Variants in RGS6 observed in about 807,000 individuals in gnomAD.
The protein encoded by RGS6 is regulator of G-protein signaling 6.
RGS6 carries 30 observed loss-of-function variants against 78.5 expected under a neutral mutation model. The ratio of observed to expected loss-of-function variants is 0.38; its 90% CI spans 0.29 to 0.52. The LOEUF is 0.52. RGS6 is among the 20% of genes least tolerant of loss of function. RGS6 has a pLI of 0.85. For synonymous variants in RGS6, 206 were observed against 206.0 expected (o/e 1.00, Z 0.00); for missense variants, 495 against 609.7 (o/e 0.81, Z 1.98).
At chr14:71,890,358 C>CAGACAGAGAGAGAGAGAGAGAGAGAGAG in the RGS6 span, among the ~76,000 whole-genome samples, 228 of 133,068 alleles carry the variant, frequency 1.7e-3, 1 homozygote, top group African/African-American at 6.5e-3. Flanking sequence ...GTGCATAAGA[C>CAGACAGAGAGAGAGAGAGAGAGAGAGAG]AGAGAGAGAG....
rs145794390 is a variant in RGS6, at chr14:72,455,230, G to A, written c.235+652G>A. Among the ~76,000 whole-genome samples, 895 of 152,174 alleles carry A rather than the reference G, an allele frequency of 5.9e-3. 5 individuals carry two copies. Among genetic ancestry groups the A allele is most frequent in the Middle Eastern group, 0.027 (8 of 294 alleles). On this transcript the variant is annotated intron_variant, in intron 4 of 17. Transcript: ENST00000553525. ...ATGTGCTGTCAGTTAATACTTTTCC[G>A]AATTTATTACATACTCCTTTGCCTT...
intron 2 of RGS6, among the ~76,000 whole-genome samples, chr14:72,169,177 C>T (rs1426880676): frequency 6.6e-6 from 1 of 152,238 alleles, no homozygotes; most frequent in Non-Finnish European, 1.5e-5. Context: ...TTTCACTCCC[C>T]TTCCCCTTGG....
intron 2 of RGS6, among the ~76,000 whole-genome samples, chr14:72,327,129 T>C (rs1316706907): frequency 2.0e-5 from 3 of 152,238 alleles, no homozygotes; most frequent in East Asian, 1.9e-4. Flanking sequence ...TATTTTTTAA[T>C]GTATCCCCTT....
chr14:71,910,934 C>A, the RGS6 span, among the ~76,000 whole-genome samples: 19 of 152,070 alleles, frequency 1.2e-4, no homozygotes, highest in African/African-American at 4.6e-4. Flanking sequence ...TTTTTCCCAG[C>A]TCTGTTGGTA....
chr14:71,999,195 G>A (rs1472932552), intron 2 of RGS6, among the ~76,000 whole-genome samples: 1 of 152,234 alleles, frequency 6.6e-6, no homozygotes, highest in Non-Finnish European at 1.5e-5. Flanking sequence ...TTTTACAGAT[G>A]AGGGAATTAA....
chr14:72,560,140 G>A (rs1341612241), intron 17 of RGS6, among the ~76,000 whole-genome samples: 2 of 152,022 alleles, frequency 1.3e-5, no homozygotes, highest in African/African-American at 4.8e-5. Context: ...CTAAATGAGA[G>A]CCCCAAACGC....
At chr14:72,149,428 TATC>T (rs2096652686) in intron 2 of RGS6, among the ~76,000 whole-genome samples, 1 of 152,138 alleles carries the variant, frequency 6.6e-6, no homozygotes, top group Non-Finnish European at 1.5e-5. Flanking sequence ...AGAAATCAGT[TATC>T]ATTCCAGCTG....
the RGS6 span, among the ~76,000 whole-genome samples, chr14:72,618,104 G>A: frequency 6.6e-6 from 1 of 151,976 alleles, no homozygotes; most frequent in Admixed American, 6.6e-5. Flanking sequence ...GAGCTTAGGA[G>A]ACAAGAGCAG....
chr14:72,425,180 C>G (rs2094383304), intron 3 of RGS6, among the ~76,000 whole-genome samples: 1 of 152,108 alleles, frequency 6.6e-6, no homozygotes, highest in Admixed American at 6.5e-5. Flanking sequence ...ACTGTGTCAC[C>G]CAGGCTAGAG....
intron 2 of RGS6, among the ~76,000 whole-genome samples, chr14:72,043,190 G>A (rs946097962): frequency 3.3e-5 from 5 of 151,882 alleles, no homozygotes; most frequent in Admixed American, 6.6e-5. Flanking sequence ...CCCCTGATTC[G>A]TAGTCTGCAT....
At position 72,506,225 on chromosome 14, in the gene RGS6, GA is replaced by G. The variant is rs576959625; in HGVS notation, c.966-3928del. Among the ~76,000 whole-genome samples, 572 of 151,838 alleles carry G rather than the reference GA, an allele frequency of 3.8e-3. 2 individuals carry two copies. Among genetic ancestry groups the G allele is most frequent in the African/African-American group, 0.013 (538 of 41,296 alleles). ...ATGAAATATGGTCCCTGACCTCAAA[GA>G]GCTAAAAAAAAATAGCTGGAAAGAC... On this transcript the variant is annotated intron_variant, in intron 13 of 17. Transcript: ENST00000553525.
intron 2 of RGS6, among the ~76,000 whole-genome samples, chr14:72,042,129 C>CTTTTTTTTTTTTTTTTTT (rs202194668): frequency 7.4e-6 from 1 of 134,538 alleles, no homozygotes; most frequent in African/African-American, 2.7e-5. Context: ...TTTTCTTTTT[C>CTTTTTTTTTTTTTTTTTT]TTTTTTTTTT....
chr14:72,155,255 A>T (rs1419335074), intron 2 of RGS6, among the ~76,000 whole-genome samples: 1 of 152,196 alleles, frequency 6.6e-6, no homozygotes, highest in Non-Finnish European at 1.5e-5. Flanking sequence ...ACATTGTCTG[A>T]ACAGTAGGGC....
At chr14:72,258,735 G>A (rs1345968835) in intron 2 of RGS6, among the ~76,000 whole-genome samples, 1 of 152,166 alleles carries the variant, frequency 6.6e-6, no homozygotes, top group Non-Finnish European at 1.5e-5. Flanking sequence ...TTGTTGTGAA[G>A]ATTATACTCT....
the RGS6 span, among the ~76,000 whole-genome samples, chr14:72,587,698 G>A: frequency 6.6e-6 from 1 of 152,114 alleles, no homozygotes; most frequent in African/African-American, 2.4e-5. Context: ...CTGCCCCTCA[G>A]ATTCATCCCC....
intron 3 of RGS6, among the ~76,000 whole-genome samples, chr14:72,384,782 ACT>A (rs1229529137): frequency 6.6e-6 from 1 of 151,882 alleles, no homozygotes; most frequent in Non-Finnish European, 1.5e-5. Flanking sequence ...ACAGAGTCTC[ACT>A]CTGTCACCCA....
At chr14:72,200,644 C>T (rs527752896) in intron 2 of RGS6, among the ~76,000 whole-genome samples, 3 of 151,806 alleles carry the variant, frequency 2.0e-5, no homozygotes, top group Admixed American at 6.6e-5. Flanking sequence ...AGTGACTGCA[C>T]GGCTCATTGC....
chr14:72,376,690 A>G (rs2084807237), intron 3 of RGS6, among the ~76,000 whole-genome samples: 1 of 152,228 alleles, frequency 6.6e-6, no homozygotes, highest in Admixed American at 6.5e-5. Flanking sequence ...AAGTAGTGAA[A>G]GAAAAAAAAT....
intron 2 of RGS6, among the ~76,000 whole-genome samples, chr14:72,133,650 A>G (rs370126245): frequency 1.1e-4 from 16 of 152,192 alleles, no homozygotes; most frequent in South Asian, 6.2e-4. Flanking sequence ...GGAAGATACT[A>G]TGTCAGAGAA....
Sources: allele counts gnomAD v4.1 joint callset (sites outside exome capture counted in the v4.1 genomes callset), GRCh38; gene constraint gnomAD v4.1.1; transcripts MANE v1.5; gene names NCBI Gene and HGNC (gene_info 2026-07-23, HGNC 2026-07-21).